Variants in ALDH5A1 observed in about 807,000 individuals in gnomAD.
ALDH5A1 encodes aldehyde dehydrogenase 5 family member A1.
Under a neutral mutation model 54.7 loss-of-function variants are expected in ALDH5A1, and 33 were observed. That is an observed-to-expected ratio of 0.60 (90% CI 0.46 to 0.81). The LOEUF is 0.81. ALDH5A1 is among the 30% of genes least tolerant of loss of function. The pLI, the probability that ALDH5A1 is intolerant of heterozygous loss-of-function variation, is 0.00. For missense variants in ALDH5A1, 657 were observed against 711.0 expected (o/e 0.92, Z 0.86); for synonymous variants, 294 against 292.7 (o/e 1.00, Z -0.05).
chr6:24,508,806 A>G lies in ALDH5A1; in HGVS notation c.726+3821A>G, dbSNP rs372742658. On this transcript the variant is annotated intron_variant, in intron 4 of 9. Transcript: ENST00000357578. ...ATTATTTTTTAATTTTTTTACTATG[A>G]CCAACCTTGCAGGAGTAAGGTGGTA... Among the ~76,000 whole-genome samples, 94 of 152,256 alleles carry G rather than the reference A, an allele frequency of 6.2e-4. 1 individual carries two copies. Among genetic ancestry groups the G allele is most frequent in the African/African-American group, 2.2e-3 (90 of 41,558 alleles).
At chr6:24,515,366 A>G in intron 5 of ALDH5A1, 56 bp downstream of exon 5, 1 of 1,582,350 alleles carries the variant, frequency 6.3e-7, no homozygotes, top group Non-Finnish European at 8.7e-7. Context: ...TTATCTTGAT[A>G]GGTTATAAAA....
chr6:24,502,447 G>T (rs1759213130), intron 1 of ALDH5A1, 76 bp from the exon 2 acceptor site: 4 of 1,105,366 alleles, frequency 3.6e-6, no homozygotes. Flanking sequence ...AATATTTTAG[G>T]ATATTGAATT....
chr6:24,495,877 A>G (rs1445529756), intron 1 of ALDH5A1, among the ~76,000 whole-genome samples: 1 of 152,190 alleles, frequency 6.6e-6, no homozygotes, highest in African/African-American at 2.4e-5. Flanking sequence ...GCAGGGGAAG[A>G]GAGAAATCCA....
intron 7 of ALDH5A1, among the ~76,000 whole-genome samples, chr6:24,526,883 T>C (rs1205555536): frequency 7.8e-6 from 1 of 127,576 alleles, no homozygotes; most frequent in Non-Finnish European, 1.7e-5. Flanking sequence ...CTTCTATATA[T>C]ATATTCTATA....
intron 1 of ALDH5A1, among the ~76,000 whole-genome samples, chr6:24,500,320 G>A (rs767382892): frequency 3.3e-5 from 5 of 152,112 alleles, no homozygotes; most frequent in Non-Finnish European, 1.5e-5. Flanking sequence ...GCATGCCCCA[G>A]TCCATATGTC....
chr6:24,515,967 CAATT>C (rs1369631431), intron 5 of ALDH5A1, among the ~76,000 whole-genome samples: 1 of 151,994 alleles, frequency 6.6e-6, no homozygotes, highest in Non-Finnish European at 1.5e-5. Context: ...CAGAAACACA[CAATT>C]AATGTTGAAA....
At chr6:24,532,742 A>G (rs888504561) in intron 9 of ALDH5A1, among the ~76,000 whole-genome samples, 3 of 152,124 alleles carry the variant, frequency 2.0e-5, no homozygotes, top group African/African-American at 7.2e-5. Flanking sequence ...ACAAAGACAT[A>G]CAAGATGCCA....
At chr6:24,527,354 A>G (rs990689311) in intron 7 of ALDH5A1, among the ~76,000 whole-genome samples, 1 of 152,048 alleles carries the variant, frequency 6.6e-6, no homozygotes, top group African/African-American at 2.4e-5. Flanking sequence ...CGGGTGAATC[A>G]CGAGGTCAGG....
intron 1 of ALDH5A1, among the ~76,000 whole-genome samples, chr6:24,501,878 TATA>T (rs1275450768): frequency 1.8e-4 from 1 of 5,436 alleles, no homozygotes; most frequent in African/African-American, 8.2e-4. Flanking sequence ...CAATGTTTTA[TATA>T]TATATATATA....
rs1260418608 is a variant in ALDH5A1 at position 24,520,517 on chromosome 6, G to C, written c.987G>C (p.Met329Ile). 6.2e-7 allele frequency: 1 copy of C among 1,614,104 alleles called. No individual in the cohort carries two copies. Among genetic ancestry groups the C allele is most frequent in the African/African-American group, 1.3e-5 (1 of 75,022 alleles). Residue 329 changes from methionine (M) to isoleucine (I), a missense_variant, in exon 6 of 10, where the codon ATG becomes ATC. This residue lies in a region of ALDH5A1 where 425 missense variants were observed against 516.4 expected (regional missense o/e 0.82). Transcript: ENST00000357578. ...ANVDQAVAGA[M>I]ASKFRNTGQT... ...TGGACCAGGCTGTAGCAGGGGCCAT[G>C]GCATCTAAATTTAGGAACACTGGAC...
At chr6:24,533,289 G>A (rs1461682595) in intron 9 of ALDH5A1, among the ~76,000 whole-genome samples, 8 of 152,120 alleles carry the variant, frequency 5.3e-5, no homozygotes, top group South Asian at 4.2e-4. Context: ...AGAGGGTCTC[G>A]ATAGGAGATA....
intron 3 of ALDH5A1, among the ~76,000 whole-genome samples, chr6:24,504,072 C>T (rs112165155): frequency 0.02 from 2,987 of 152,230 alleles, 71 homozygotes; most frequent in African/African-American, 0.058. Flanking sequence ...AGCATAGTTA[C>T]AGACAGAATC....
intron 7 of ALDH5A1, among the ~76,000 whole-genome samples, chr6:24,525,351 C>T (rs1759779735): frequency 6.6e-6 from 1 of 152,032 alleles, no homozygotes; most frequent in Non-Finnish European, 1.5e-5. Context: ...AAGAGTCAGT[C>T]TCAAAGACAG....
chr6:24,525,098 C>T (rs577926149), intron 7 of ALDH5A1, among the ~76,000 whole-genome samples: 1 of 152,272 alleles, frequency 6.6e-6, no homozygotes, highest in South Asian at 2.1e-4. Context: ...AAAAACACTT[C>T]ATTGTGTTGG....
chr6:24,532,256 C>T, intron 9 of ALDH5A1, 79 bp downstream of exon 9: 6 of 1,456,642 alleles, frequency 4.1e-6, no homozygotes, highest in Admixed American at 1.7e-5. Flanking sequence ...TTAAACATCA[C>T]CCTGGGTTTT....
chr6:24,495,053 T>C lies in ALDH5A1; in HGVS notation c.57T>C (p.Phe19=). 2 of 1,355,926 alleles carry C rather than the reference T, an allele frequency of 1.5e-6. No individual in the cohort carries two copies. The highest frequency in any genetic ancestry group is 2.1e-5 in the South Asian group (1 of 47,504). The allele number at this position is 1,355,926 out of a possible 1,614,324, so 84.0% of individuals were successfully genotyped here. ...GGGCCCGGCGCCTCGGGTCGACGTT[T>C]CCAGGCTGCCGCCTCCGCCCCCGCG... The part of the protein sequence containing the change: ...SCGARRLGST[F]PGCRLRPRAG... The change falls in exon 1 of 10, where the codon TTT becomes TTC. Residue 19 remains phenylalanine (F), a synonymous_variant. Transcript: ENST00000357578.
chr6:24,522,285 G>A (rs796335256), intron 6 of ALDH5A1, among the ~76,000 whole-genome samples: 7 of 152,248 alleles, frequency 4.6e-5, no homozygotes, highest in African/African-American at 1.7e-4. Context: ...CAGCCTGGGC[G>A]ACAGAGCGAG....
chr6:24,511,200 A>G (rs1449010842), intron 4 of ALDH5A1, among the ~76,000 whole-genome samples: 1 of 152,088 alleles, frequency 6.6e-6, no homozygotes, highest in Non-Finnish European at 1.5e-5. Flanking sequence ...TGCTAATCTG[A>G]TAGGTTTTCC....
chr6:24,528,702 CTTTT>C (rs558159398), intron 8 of ALDH5A1, among the ~76,000 whole-genome samples: 2 of 143,152 alleles, frequency 1.4e-5, no homozygotes, highest in South Asian at 2.2e-4. Context: ...CTGCTGAACT[CTTTT>C]TTTTTTTTTT....
Sources: gnomAD v4.1 joint callset for allele counts (sites outside exome capture counted in the v4.1 genomes callset) on GRCh38, gnomAD v4.1.1 for gene constraint, gnomAD v4.1.1 regional missense constraint, MANE v1.5 for transcripts, NCBI Gene and HGNC (gene_info 2026-07-23, HGNC 2026-07-21) for gene names.